DHRS12: variants seen among roughly 807,000 people sequenced by gnomAD.
DHRS12 encodes the protein dehydrogenase/reductase 12, also known as dehydrogenase/reductase SDR family member 12.
DHRS12 carries 29 observed loss-of-function variants against 32.1 expected under a neutral mutation model. The ratio of observed to expected loss-of-function variants is 0.90; its 90% confidence interval spans 0.67 to 1.23. The LOEUF (loss-of-function observed/expected upper bound fraction) is 1.23, where lower values mean the gene tolerates loss of function less well. Ranked by LOEUF, DHRS12 falls within the 50% of genes most tolerant of loss-of-function variation. DHRS12 has a pLI of 0.00. For synonymous variants in DHRS12, 150 were observed against 135.9 expected (o/e 1.10, Z -0.72); for missense variants, 330 against 337.2 (o/e 0.98, Z 0.17).
At position 51,804,147 on chromosome 13, in the gene DHRS12, G is replaced by A. The variant is rs1005186896; in HGVS notation, c.-102C>T. 3.5e-6 allele frequency: 5 copies of A among 1,429,248 alleles called. No individual in the cohort carries two copies. Among genetic ancestry groups the A allele is most frequent in the East Asian group, 3.0e-5 (1 of 33,536 alleles). 88.5% of individuals were successfully genotyped at this position (1,429,248 alleles called of 1,614,324 possible). On this transcript the variant is annotated 5_prime_UTR_variant, in exon 1 of 9. Transcript: ENST00000444610. ...CCACGCCTAGCCCCACCGCGCTCCC[G>A]GCGCGGCCTCCGCCCTGGTCCCGCC...
At chr13:51,770,918 G>A in intron 7 of DHRS12, 2 of 1,235,712 alleles carry the variant, frequency 1.6e-6, no homozygotes, top group Non-Finnish European at 2.0e-6. Context: ...CCTACCACCA[G>A]CACTGTGATA....
At chr13:51,798,843 CTTT>C (rs1566309673) in intron 2 of DHRS12, among the ~76,000 whole-genome samples, 2 of 152,222 alleles carry the variant, frequency 1.3e-5, no homozygotes, top group African/African-American at 4.8e-5. Context: ...ATGCAGCAAA[CTTT>C]TCTAGCCACT....
intron 4 of DHRS12, among the ~76,000 whole-genome samples, chr13:51,789,239 C>T (rs374814601): frequency 6.6e-6 from 1 of 152,226 alleles, no homozygotes; most frequent in Non-Finnish European, 1.5e-5. Context: ...TAAAACACCC[C>T]CCTCACTACA....
chr13:51,762,975 T>TATAA, the DHRS12 span: 1 of 152,230 alleles, frequency 6.6e-6, no homozygotes, highest in East Asian at 1.9e-4. Context: ...TGGAATCTTA[T>TATAA]GTCATTTTGT....
chr13:51,762,470 CTGTG>C, the DHRS12 span: 1 of 152,256 alleles, frequency 6.6e-6, no homozygotes, highest in Non-Finnish European at 1.5e-5. Flanking sequence ...TTTCTCTCAT[CTGTG>C]TGGGTGCTTG....
chr13:51,769,457 G>C (rs893351419), intron 7 of DHRS12, among the ~76,000 whole-genome samples, 164 bp from the exon 8 acceptor site: 1 of 151,932 alleles, frequency 6.6e-6, no homozygotes, highest in Non-Finnish European at 1.5e-5. Flanking sequence ...CAGTTCCAAA[G>C]AACCTTGTTA....
At chr13:51,793,198 C>A (rs1286460229) in intron 2 of DHRS12, among the ~76,000 whole-genome samples, 1 of 152,176 alleles carries the variant, frequency 6.6e-6, no homozygotes, top group Non-Finnish European at 1.5e-5. Context: ...CTGTTTAAAC[C>A]TTTTTCTCTG....
chr13:51,774,450 AGTACAT>A (rs568625310), intron 5 of DHRS12: 10 of 89,634 alleles, frequency 1.1e-4, no homozygotes, highest in African/African-American at 5.1e-4. Flanking sequence ...ATTCTCCTAC[AGTACAT>A]GTATTCTCCT....
At chr13:51,786,720 T>C (rs988040304) in intron 4 of DHRS12, among the ~76,000 whole-genome samples, 3 of 152,246 alleles carry the variant, frequency 2.0e-5, no homozygotes, top group African/African-American at 7.2e-5. Flanking sequence ...TTAACTATTC[T>C]ACCAGCTTCA....
Position 51,791,192 on chromosome 13 carries a change from G to C in DHRS12, c.192C>G (p.Phe64Leu). 1 of 1,562,588 alleles carries C rather than the reference G, an allele frequency of 6.4e-7. No individual in the cohort carries two copies. The highest frequency in any genetic ancestry group is 8.7e-7 in the Non-Finnish European group (1 of 1,151,322). Residue 64 changes from phenylalanine to leucine, a missense_variant, in exon 3 of 9, where the codon TTC becomes TTG. Coordinates refer to ENST00000444610, the MANE Select transcript of DHRS12 (RefSeq NM_001377533.1). ...GAACATGGAGTTTATGTTCCTGCTT[G>C]AAATTTTCAACAAATTTCCAGATTT... is the stretch of plus-strand genomic sequence containing the variant. ...PKQIWKFVEN[F>L]KQEHKLHVLI...
chr13:51,800,495 C>T (rs1955702141), intron 1 of DHRS12, among the ~76,000 whole-genome samples: 1 of 152,216 alleles, frequency 6.6e-6, no homozygotes, highest in Non-Finnish European at 1.5e-5. Flanking sequence ...CAGACTCTGC[C>T]CACGCACAGG....
Position 51,769,157 on chromosome 13 carries a change from T to C in DHRS12, c.696A>G (p.Gln232=). 1 of 1,549,410 alleles carries C rather than the reference T, an allele frequency of 6.5e-7. No individual in the cohort carries two copies. Among genetic ancestry groups the C allele is most frequent in the Non-Finnish European group, 8.7e-7 (1 of 1,147,212 alleles). Residue 232 remains glutamine (Q), a splice_region_variant and synonymous_variant, in exon 8 of 9, where the codon CAA becomes CAG. Transcript: ENST00000444610. ...CTTCACAGCCAGGGAGGAAGTCACC[T>C]TGAAAGAAGCGGCCGCTGGGCTGTG... The part of the protein sequence containing the change: ...AAAQPSGRFF[Q]DRKPVSTHLP...
downstream of DHRS12, chr13:51,767,922 A>ACTT (rs1199507469): frequency 7.6e-6 from 9 of 1,183,234 alleles, no homozygotes; most frequent in African/African-American, 6.3e-5. Flanking sequence ...TTCATCTCAA[A>ACTT]CTTCGAATTC....
the DHRS12 span, chr13:51,759,995 A>T: frequency 2.0e-6 from 1 of 497,620 alleles, no homozygotes; most frequent in East Asian, 3.0e-5. Flanking sequence ...TATTTTTTTA[A>T]CAAATGGTTT....
chr13:51,772,081 T>A (rs929830390), intron 6 of DHRS12, among the ~76,000 whole-genome samples, 170 bp from the exon 7 acceptor site: 7 of 152,074 alleles, frequency 4.6e-5, no homozygotes, highest in Non-Finnish European at 7.4e-5. Flanking sequence ...CAGCCCTGAG[T>A]AGGACCTAGC....
the DHRS12 span, chr13:51,756,409 C>CCCCCT: frequency 6.2e-7 from 1 of 1,614,068 alleles, no homozygotes; most frequent in Admixed American, 1.7e-5. Flanking sequence ...TGATGGGCTT[C>CCCCCT]GAGTTTGAAG....
rs953942055 is a variant in DHRS12, at chr13:51,777,054, A to G, written c.363+6T>C. On this transcript the variant is annotated splice_donor_region_variant and intron_variant, in intron 5 of 8. Coordinates refer to ENST00000444610, the MANE Select transcript of DHRS12 (RefSeq NM_001377533.1). The stretch of plus-strand genomic sequence containing the variant: ...ATCCTCAAAACATCCCATAAGGTCA[A>G]CTCACCACTCGGGGGTCGTGTTCTT... 3.1e-6 allele frequency: 5 copies of G among 1,613,818 alleles called. No homozygotes were observed. The African/African-American group carries it at 4.0e-5, about 13-fold the overall frequency.
chr13:51,758,357 G>T, the DHRS12 span: 2 of 1,318,498 alleles, frequency 1.5e-6, no homozygotes, highest in Admixed American at 3.5e-5. Context: ...AAATATACAG[G>T]AGCACCAAGA....
At chr13:51,784,642 T>C (rs1006739895) in intron 4 of DHRS12, among the ~76,000 whole-genome samples, 1 of 152,130 alleles carries the variant, frequency 6.6e-6, no homozygotes, top group Non-Finnish European at 1.5e-5. Context: ...AAGGAGATAT[T>C]AGGAACAAAA....
Sources: allele counts gnomAD v4.1 joint callset (sites outside exome capture counted in the v4.1 genomes callset), GRCh38; gene constraint gnomAD v4.1.1; transcripts MANE v1.5; gene names NCBI Gene and HGNC (gene_info 2026-07-23, HGNC 2026-07-21).